Variants in PARD3B observed in about 807,000 individuals in gnomAD.
PARD3B encodes the protein partitioning defective 3 homolog B.
In PARD3B, 103 loss-of-function variants were observed where a neutral mutation model predicts 130.2. The observed-to-expected ratio is 0.79, with a 90% CI of 0.67 to 0.93. The LOEUF (loss-of-function observed/expected upper bound fraction) is 0.93, where lower values mean the gene tolerates loss of function less well. PARD3B is among the 40% of genes least tolerant of loss of function. The pLI, the probability that PARD3B is intolerant of heterozygous loss-of-function variation, is 0.00. For missense variants in PARD3B, 1,609 were observed against 1,499.2 expected, an observed-to-expected ratio of 1.07 and a Z score of -1.21; for synonymous variants, 583 against 553.2, an observed-to-expected ratio of 1.05 and a Z score of -0.76.
chr2:204,775,556 C>T (rs539181447), intron 2 of PARD3B, among the ~76,000 whole-genome samples: 11 of 152,022 alleles, frequency 7.2e-5, no homozygotes, highest in African/African-American at 2.7e-4. Flanking sequence ...TCCTAATTCT[C>T]AAACCCAGGA....
intron 2 of PARD3B, among the ~76,000 whole-genome samples, chr2:204,773,163 A>G (rs948870866): frequency 1.3e-5 from 2 of 151,868 alleles, no homozygotes; most frequent in African/African-American, 4.8e-5. Context: ...CTTATTGAGT[A>G]TTTTGCTTTA....
intron 16 of PARD3B, among the ~76,000 whole-genome samples, chr2:205,252,853 CAAAAA>C (rs770957813): frequency 1.2e-5 from 1 of 80,456 alleles, no homozygotes. Flanking sequence ...CCCCCCCCAC[CAAAAA>C]AAAAAAAAAA....
rs993913307 is a variant in PARD3B, at chr2:205,230,220, T to C, written c.2141-15558T>C. On this transcript the variant is annotated intron_variant, in intron 15 of 22. Transcript: ENST00000406610. This position sits in a 1 kb window ranked among gnomAD's most constrained non-coding sequence, Gnocchi z 4.1. The stretch of plus-strand genomic sequence containing the variant: ...CAGGAGACCCTCTCCGTAGCCACCA[T>C]AGTTGGGAATGTGCTGGGCCATACC... Among the ~76,000 whole-genome samples the C allele has an allele frequency of 6.6e-6, 1 of 151,690 alleles. No individual in the cohort carries two copies. The highest frequency in any genetic ancestry group is 2.4e-5 in the African/African-American group (1 of 41,260).
intron 4 of PARD3B, among the ~76,000 whole-genome samples, chr2:205,098,753 T>C (rs1035855575): frequency 6.6e-6 from 1 of 152,156 alleles, no homozygotes; most frequent in Admixed American, 6.6e-5. Flanking sequence ...TCATCCAGCC[T>C]GTGAGCACTT....
chr2:205,069,810 A>G (rs1414323786), intron 4 of PARD3B, among the ~76,000 whole-genome samples: 2 of 152,044 alleles, frequency 1.3e-5, no homozygotes, highest in Non-Finnish European at 2.9e-5. Context: ...CGTCCCAAAG[A>G]TTTCCAGGTG....
intron 4 of PARD3B, among the ~76,000 whole-genome samples, chr2:205,061,745 A>C (rs1700076601): frequency 6.6e-6 from 1 of 151,856 alleles, no homozygotes; most frequent in Non-Finnish European, 1.5e-5. Context: ...CATTAAATGC[A>C]TACTGAGTGT....
intron 3 of PARD3B, among the ~76,000 whole-genome samples, chr2:204,992,592 T>A (rs1693818633): frequency 8.4e-6 from 1 of 118,932 alleles, no homozygotes. Context: ...AACTTTAAAG[T>A]AGTTTTTTCC....
intron 19 of PARD3B, among the ~76,000 whole-genome samples, chr2:205,432,948 A>C (rs1460896397): frequency 2.6e-5 from 4 of 152,126 alleles, no homozygotes; most frequent in Non-Finnish European, 5.9e-5. Flanking sequence ...ACCTCCTCTA[A>C]AGACTAGACA....
chr2:205,099,665 A>G (rs1371987796), intron 4 of PARD3B, among the ~76,000 whole-genome samples: 1 of 152,206 alleles, frequency 6.6e-6, no homozygotes, highest in Non-Finnish European at 1.5e-5. Context: ...CTGCACAGCT[A>G]CAGTGTTGCT....
intron 21 of PARD3B, among the ~76,000 whole-genome samples, chr2:205,539,261 G>A (rs899128382): frequency 1.3e-5 from 2 of 152,154 alleles, no homozygotes; most frequent in African/African-American, 4.8e-5. Context: ...ACCTGCCTTT[G>A]TCCTGGTCAG....
chr2:204,561,319 G>C (rs927167547), intron 1 of PARD3B, among the ~76,000 whole-genome samples: 11 of 152,212 alleles, frequency 7.2e-5, no homozygotes, highest in Non-Finnish European at 1.5e-4. Flanking sequence ...AAATTGATAT[G>C]GGTGGCTTTT....
At chr2:205,170,712 C>T (rs2035117743) in intron 11 of PARD3B, among the ~76,000 whole-genome samples, 1 of 152,114 alleles carries the variant, frequency 6.6e-6, no homozygotes. Context: ...GACCCGTCTG[C>T]ACAGTTTCCC....
chr2:205,462,354 A>G (rs1360202565), intron 20 of PARD3B, among the ~76,000 whole-genome samples: 1 of 152,220 alleles, frequency 6.6e-6, no homozygotes, highest in Non-Finnish European at 1.5e-5. Context: ...ATCAATCAGT[A>G]CATTTCTGTT....
rs1167968076 is a variant in PARD3B, at chr2:205,325,834, G to C, written c.2630+24133G>C. On this transcript the variant is annotated intron_variant, in intron 18 of 22. Coordinates refer to ENST00000406610, the MANE Select transcript of PARD3B (RefSeq NM_001302769.2). This position sits in a 1 kb window ranked among gnomAD's most constrained non-coding sequence, Gnocchi z 4.1. ...TATTTCAATTTACCTACAATTATCAGGGCAAATATATAGAAGGAACAAAAT... is the reference window on the plus strand; with the variant it reads ...TATTTCAATTTACCTACAATTATCACGGCAAATATATAGAAGGAACAAAAT... 6.6e-6 allele frequency among the ~76,000 whole-genome samples: 1 copy of C among 151,920 alleles called. No homozygotes were observed. Among genetic ancestry groups the C allele is most frequent in the South Asian group, 2.1e-4 (1 of 4,806 alleles).
At chr2:204,588,600 C>G (rs1352594406) in intron 1 of PARD3B, among the ~76,000 whole-genome samples, 1 of 152,052 alleles carries the variant, frequency 6.6e-6, no homozygotes, top group Non-Finnish European at 1.5e-5. Flanking sequence ...AATCTTTATT[C>G]TAAAATCTTA....
chr2:205,614,297 G>A (rs1273843641), intron 22 of PARD3B, among the ~76,000 whole-genome samples: 1 of 152,156 alleles, frequency 6.6e-6, no homozygotes, highest in Non-Finnish European at 1.5e-5. Context: ...ATGTTTCTGT[G>A]TGCCTTACCC....
chr2:205,353,975 C>T (rs2044086398), intron 18 of PARD3B, among the ~76,000 whole-genome samples: 1 of 149,670 alleles, frequency 6.7e-6, no homozygotes, highest in South Asian at 2.1e-4. Flanking sequence ...AGCTAAGTGA[C>T]TTGCCCAGAG....
intron 2 of PARD3B, among the ~76,000 whole-genome samples, chr2:204,833,757 C>A (rs1162046227): frequency 6.6e-6 from 1 of 152,142 alleles, no homozygotes; most frequent in Non-Finnish European, 1.5e-5. Flanking sequence ...TCCATTAGAT[C>A]TCTTTTTCTT....
intron 1 of PARD3B, among the ~76,000 whole-genome samples, chr2:204,580,481 CT>C (rs2032497220): frequency 1.3e-5 from 2 of 152,148 alleles, no homozygotes; most frequent in African/African-American, 4.8e-5. Flanking sequence ...TTTCTGTCAT[CT>C]GACCCTAGCC....
Sources: gnomAD v4.1 joint callset for allele counts (sites outside exome capture counted in the v4.1 genomes callset) on GRCh38, gnomAD v4.1.1 for gene constraint, Gnocchi (gnomAD v3.1) non-coding constraint, MANE v1.5 for transcripts, NCBI Gene and HGNC (gene_info 2026-07-23, HGNC 2026-07-21) for gene names.